Variants in CLEC5A observed in about 807,000 individuals in gnomAD.
CLEC5A encodes the protein C-type lectin domain family 5 member A.
In CLEC5A, 15 loss-of-function variants were observed where a neutral mutation model predicts 24.4. The ratio of observed to expected loss-of-function variants is 0.62; its 90% CI spans 0.41 to 0.95. CLEC5A has a LOEUF of 0.95. CLEC5A is among the 40% of genes least tolerant of loss of function. The pLI is 0.00. For synonymous variants in CLEC5A, 71 were observed against 72.6 expected (o/e 0.98, Z 0.11); for missense variants, 211 against 224.0 (o/e 0.94, Z 0.37).
intron 4 of CLEC5A, 108 bp from the exon 5 acceptor site, chr7:141,936,058 T>TA: frequency 9.8e-6 from 9 of 919,726 alleles, no homozygotes; most frequent in Non-Finnish European, 1.5e-5. Context: ...TTAACAATTA[T>TA]ATTGGTAAAA....
At chr7:141,932,772 T>G (rs982096333) in intron 5 of CLEC5A, among the ~76,000 whole-genome samples, 3 of 152,240 alleles carry the variant, frequency 2.0e-5, no homozygotes, top group African/African-American at 4.8e-5. Context: ...CATCCTGTTT[T>G]GGTAAATGTT....
chr7:141,936,242 T>G (rs1369268471), intron 4 of CLEC5A: 12 of 380,640 alleles, frequency 3.2e-5, no homozygotes, highest in Non-Finnish European at 5.3e-5. Flanking sequence ...TATACATACA[T>G]GAGAACAAAA....
At chr7:141,946,149 C>T in intron 2 of CLEC5A, 65 bp downstream of exon 2, 1 of 1,507,448 alleles carries the variant, frequency 6.6e-7, no homozygotes, top group Non-Finnish European at 9.0e-7. Flanking sequence ...ACCATGCATT[C>T]TGAGAGAAGA....
At chr7:141,936,575 A>G (rs1415633267) in intron 4 of CLEC5A, among the ~76,000 whole-genome samples, 3 of 152,164 alleles carry the variant, frequency 2.0e-5, no homozygotes, top group African/African-American at 7.2e-5. Context: ...AAGCCTCGCC[A>G]CTGTGAGCTG....
intron 3 of CLEC5A, 68 bp from the exon 4 acceptor site, chr7:141,944,032 T>TCACACAGCCCATACTCTG: frequency 1.1e-6 from 1 of 924,328 alleles, no homozygotes; most frequent in Non-Finnish European, 1.8e-6. Context: ...AACATCAGAG[T>TCACACAGCCCATACTCTG]ATGGGCTGTG....
intron 4 of CLEC5A, among the ~76,000 whole-genome samples, chr7:141,941,094 C>A (rs1802783482): frequency 6.6e-6 from 1 of 152,014 alleles, no homozygotes; most frequent in African/African-American, 2.4e-5. Flanking sequence ...CCTACATTAC[C>A]CTGATACCAA....
intron 5 of CLEC5A, among the ~76,000 whole-genome samples, chr7:141,932,320 A>G (rs1802492168): frequency 6.6e-6 from 1 of 152,258 alleles, no homozygotes; most frequent in Admixed American, 6.5e-5. Flanking sequence ...GAAAACGGTG[A>G]GATTTAAAAG....
At chr7:141,934,158 A>T (rs1336059248) in intron 5 of CLEC5A, among the ~76,000 whole-genome samples, 1 of 152,160 alleles carries the variant, frequency 6.6e-6, no homozygotes, top group African/African-American at 2.4e-5. Context: ...AACCCACTTT[A>T]ATTTGGAAAA....
At chr7:141,942,486 G>A (rs1307305309) in intron 4 of CLEC5A, among the ~76,000 whole-genome samples, 4 of 152,102 alleles carry the variant, frequency 2.6e-5, no homozygotes, top group South Asian at 4.2e-4. Flanking sequence ...AGAAAACTTC[G>A]GGGAAACTCT....
chr7:141,942,954 G>A, intron 4 of CLEC5A, among the ~76,000 whole-genome samples: 1 of 152,182 alleles, frequency 6.6e-6, no homozygotes, highest in East Asian at 1.9e-4. Flanking sequence ...TTGGAGAAAA[G>A]AGAACCCTCA....
In CLEC5A at chr7:141,928,630, A is replaced by G. The variant is rs1303626405; in HGVS notation, c.*1474T>C. ...GACACCTGATGTGTTATCTCATGTT[A>G]AAAAATTGTAAGTGGCCATGCTAAG... On this transcript the variant is annotated 3_prime_UTR_variant, in exon 7 of 7. Coordinates refer to ENST00000546910, the MANE Select transcript of CLEC5A (RefSeq NM_013252.3). 6.6e-6 allele frequency: 1 copy of G among 152,202 alleles called. No individual in the cohort carries two copies. Among genetic ancestry groups the G allele is most frequent in the Non-Finnish European group, 1.5e-5 (1 of 68,036 alleles). The allele number at this position is 152,202 out of a possible 1,614,324, so 9.4% of individuals were successfully genotyped here.
Position 141,930,137 on chromosome 7 carries a change from G to C in CLEC5A, c.534C>G (p.Ser178Arg). Residue 178 changes from serine (S) to arginine (R), a missense_variant, in exon 7 of 7, where the codon AGC becomes AGG. Coordinates refer to ENST00000546910, the MANE Select transcript of CLEC5A (RefSeq NM_013252.3). ...KTFDAASCDI[S>R]YRRICEKNAK ...CATTCTTCTCACAGATCCTGCGGTAGCTGATGTCACATGATGCAGCATCAA... is the reference window on the plus strand; with the variant it reads ...CATTCTTCTCACAGATCCTGCGGTACCTGATGTCACATGATGCAGCATCAA... 6.2e-7 allele frequency: 1 copy of C among 1,614,084 alleles called. No homozygotes were observed. Among genetic ancestry groups the C allele is most frequent in the Non-Finnish European group, 8.5e-7 (1 of 1,179,948 alleles).
At chr7:141,943,751 T>C (rs936883763) in intron 4 of CLEC5A, 145 bp downstream of exon 4, 5 of 637,908 alleles carry the variant, frequency 7.8e-6, no homozygotes, top group African/African-American at 7.3e-5. Context: ...CAAAATAATA[T>C]GTACAAAGAG....
chr7:141,931,156 G>A (rs1172718675), intron 6 of CLEC5A, among the ~76,000 whole-genome samples: 1 of 152,166 alleles, frequency 6.6e-6, no homozygotes, highest in Non-Finnish European at 1.5e-5. Flanking sequence ...AGATAAAGAA[G>A]GCATATCTGG....
chr7:141,938,042 C>T (rs1188360331), intron 4 of CLEC5A, among the ~76,000 whole-genome samples: 2 of 152,092 alleles, frequency 1.3e-5, no homozygotes, highest in Non-Finnish European at 2.9e-5. Context: ...GGAAAGCCTT[C>T]CCAAGAAGGA....
At position 141,946,249 on chromosome 7, in the gene CLEC5A, A is replaced by C. The variant is rs1802952168; in HGVS notation, c.44T>G (p.Leu15Arg). Residue 15 changes from leucine to arginine, a missense_variant, in exon 2 of 7, where the codon CTT (leucine) becomes CGT (arginine). By Grantham distance (102) the Leu-to-Arg change is moderately radical. Transcript: ENST00000546910. The part of the protein sequence containing the change: ...MIISGLIVVV[L>R]KVVGMTLFLL... The stretch of plus-strand genomic sequence containing the variant: ...AAATAAGGTCATTCCAACAACTTTA[A>C]GCACTACCACAATAAGCCCAGAGAT... The C allele has an allele frequency of 6.4e-7, 1 of 1,572,288 alleles. No homozygotes were observed. Among genetic ancestry groups the C allele is most frequent in the African/African-American group, 1.3e-5 (1 of 74,516 alleles).
chr7:141,931,994 T>C, intron 5 of CLEC5A, 168 bp from the exon 6 acceptor site: 2 of 480,352 alleles, frequency 4.2e-6, no homozygotes, highest in Non-Finnish European at 7.3e-6. Flanking sequence ...ATTGTCAAGA[T>C]TCAGAGGGAA....
chr7:141,930,866 A>G (rs980021861), intron 6 of CLEC5A, among the ~76,000 whole-genome samples: 1 of 152,236 alleles, frequency 6.6e-6, no homozygotes, highest in Admixed American at 6.5e-5. Context: ...ATCATGGGGA[A>G]TATTTCAGGA....
intron 6 of CLEC5A, 120 bp from the exon 7 acceptor site, chr7:141,930,338 C>A: frequency 1.4e-6 from 1 of 730,618 alleles, no homozygotes. Flanking sequence ...GGAGTTTTGC[C>A]TGGAAGGGCA....
Sources: allele counts gnomAD v4.1 joint callset (sites outside exome capture counted in the v4.1 genomes callset), GRCh38; gene constraint gnomAD v4.1.1; transcripts MANE v1.5; gene names NCBI Gene and HGNC (gene_info 2026-07-23, HGNC 2026-07-21).